SCAF4: variants seen among roughly 807,000 people sequenced by gnomAD.
SCAF4 encodes the protein SR-related CTD associated factor 4.
A neutral mutation model predicts 129.8 loss-of-function variants in SCAF4; 25 were observed. That is an observed-to-expected ratio of 0.19 (90% CI 0.14 to 0.27). SCAF4 has a LOEUF of 0.27. SCAF4 is among the 10% of genes least tolerant of loss of function. The pLI is 1.00. For synonymous variants in SCAF4, 551 were observed against 497.7 expected, an observed-to-expected ratio of 1.11 and a Z score of -1.43; for missense variants, 1,246 against 1,457.1, an observed-to-expected ratio of 0.86 and a Z score of 2.36.
rs536663868 is a variant in SCAF4 at position 31,701,740 on chromosome 21, C to A, written c.600+36G>T. 1.6e-5 allele frequency: 25 copies of A among 1,583,406 alleles called. 1 individual carries two copies. The South Asian group carries it at 2.7e-4, about 17-fold the overall frequency. ...ACAAGAAGTGACAACAGTACCTAGTCCTGCAAACAATTTCACTTTTGAGTA... is the reference window on the plus strand; with the variant it reads ...ACAAGAAGTGACAACAGTACCTAGTACTGCAAACAATTTCACTTTTGAGTA... On this transcript the variant is annotated intron_variant, in intron 6 of 19. Transcript: ENST00000286835.
chr21:31,706,461 GC>G (rs2050665085), intron 1 of SCAF4, 104 bp from the exon 2 acceptor site: 1 of 761,036 alleles, frequency 1.3e-6, no homozygotes, highest in South Asian at 1.8e-5. Flanking sequence ...TACAAACGGG[GC>G]CGGGGTGGTG....
chr21:31,688,488 C>G (rs754299144), intron 15 of SCAF4, 24 bp from the exon 16 acceptor site: 1 of 1,586,802 alleles, frequency 6.3e-7, no homozygotes, highest in East Asian at 2.2e-5. Flanking sequence ...AGAAATTTAA[C>G]AAGAGTTTAC....
chr21:31,731,969 G>T lies in SCAF4; in HGVS notation c.-277C>A, dbSNP rs1189231454. ...TCTTCAACATGTCCGTTTGGTGGTGGCGGCTGCGCTCTGCGTCTCGCTGAC... is the reference window on the plus strand; with the variant it reads ...TCTTCAACATGTCCGTTTGGTGGTGTCGGCTGCGCTCTGCGTCTCGCTGAC... On this transcript the variant is annotated 5_prime_UTR_variant, in exon 1 of 20. Transcript: ENST00000286835. The T allele has an allele frequency of 2.1e-6, 1 of 475,266 alleles. No individual in the cohort carries two copies. Among genetic ancestry groups the T allele is most frequent in the Non-Finnish European group, 3.6e-6 (1 of 274,464 alleles). The allele number at this position is 475,266 out of a possible 1,614,324, so 29.4% of individuals were successfully genotyped here. A position where few individuals can be genotyped will look rare whatever the true frequency, so the allele number is the denominator to read the frequency against.
At chr21:31,702,120 C>A (rs1403437436) in intron 5 of SCAF4, 124 bp downstream of exon 5, 2 of 1,390,804 alleles carry the variant, frequency 1.4e-6, no homozygotes, top group African/African-American at 2.9e-5. Flanking sequence ...AAAATCATAC[C>A]TTCCAAGATG....
intron 1 of SCAF4, among the ~76,000 whole-genome samples, chr21:31,724,650 TA>T (rs2051156118): frequency 6.6e-6 from 1 of 152,234 alleles, no homozygotes; most frequent in African/African-American, 2.4e-5. Context: ...AATTCTGAAG[TA>T]AATTATATTT....
intron 2 of SCAF4, 37 bp from the exon 3 acceptor site, chr21:31,705,504 C>T (rs2050635305): frequency 3.3e-6 from 3 of 903,862 alleles, no homozygotes; most frequent in South Asian, 3.6e-5. Flanking sequence ...GTTCAGTTTA[C>T]TTATTTCTAC....
intron 14 of SCAF4, 64 bp downstream of exon 14, chr21:31,691,753 G>A: frequency 1.5e-6 from 1 of 677,232 alleles, no homozygotes; most frequent in Non-Finnish European, 2.3e-6. Context: ...GTTTTTATAT[G>A]CCACATATTT....
intron 1 of SCAF4, among the ~76,000 whole-genome samples, chr21:31,715,221 T>C (rs2050896271): frequency 1.3e-5 from 2 of 152,264 alleles, no homozygotes; most frequent in Non-Finnish European, 2.9e-5. Context: ...TCTTCTTCCA[T>C]CTTCAAAGCC....
At chr21:31,687,534 C>A (rs1366523354) in intron 16 of SCAF4, among the ~76,000 whole-genome samples, 1 of 151,978 alleles carries the variant, frequency 6.6e-6, no homozygotes, top group Non-Finnish European at 1.5e-5. Flanking sequence ...GACTAGACAG[C>A]AAATATTTTA....
chr21:31,681,466 T>A (rs914025530), intron 19 of SCAF4, among the ~76,000 whole-genome samples: 1 of 152,188 alleles, frequency 6.6e-6, no homozygotes, highest in Non-Finnish European at 1.5e-5. Context: ...ATATTAGAGA[T>A]ACATGTTATA....
intron 3 of SCAF4, among the ~76,000 whole-genome samples, chr21:31,705,085 C>G (rs2050624895): frequency 6.6e-6 from 1 of 152,058 alleles, no homozygotes; most frequent in Non-Finnish European, 1.5e-5. Flanking sequence ...GAAAATTTGA[C>G]AAAGTAATTT....
chr21:31,712,873 A>T, intron 1 of SCAF4: 1 of 973,286 alleles, frequency 1.0e-6, no homozygotes, highest in Non-Finnish European at 1.2e-6. Flanking sequence ...CCTTCTTTAT[A>T]AAACTGTTAA....
intron 19 of SCAF4, among the ~76,000 whole-genome samples, chr21:31,675,235 T>C (rs17660446): frequency 0.033 from 5,093 of 152,268 alleles, 128 homozygotes; most frequent in Non-Finnish European, 0.047. Context: ...CTATATGCCA[T>C]AAGGAGGAAC....
chr21:31,687,783 T>C (rs2050160852), intron 16 of SCAF4, among the ~76,000 whole-genome samples: 1 of 152,090 alleles, frequency 6.6e-6, no homozygotes, highest in Non-Finnish European at 1.5e-5. Context: ...GATGGATAGA[T>C]GTAAGACAAT....
Position 31,702,373 on chromosome 21 carries a change from T to C in SCAF4, c.328A>G (p.Ile110Val). 1 of 1,613,564 alleles carries C rather than the reference T, an allele frequency of 6.2e-7. No individual in the cohort carries two copies. The highest frequency in any genetic ancestry group is 8.5e-7 in the Non-Finnish European group (1 of 1,179,564). ...TGCCAAAGGTTCAGCACACGAACTA[T>C]TTTACTCTGTTACGCATGAGAAACA... ...YLCPSEDKSKIVRVLNLWQKN... is the reference protein window; with the variant it reads ...YLCPSEDKSKVVRVLNLWQKN... Residue 110 changes from isoleucine to valine, a missense_variant, in exon 5 of 20, where the codon ATA becomes GTA. Ile to Val is a conservative substitution (Grantham distance 29). Transcript: ENST00000286835.
At position 31,672,002 on chromosome 21, in the gene SCAF4, T is replaced by TGGCTGCTGC. The variant is rs763884513; in HGVS notation, c.2832_2840dup (p.Pro947_Gln949dup). 9.9e-6 allele frequency: 16 copies of TGGCTGCTGC among 1,613,220 alleles called. No homozygotes were observed. Among genetic ancestry groups the TGGCTGCTGC allele is most frequent in the Non-Finnish European group, 1.1e-5 (13 of 1,179,474 alleles). Reference sequence around the variant, plus strand: ...GCGCCTGCGGCTGTGGCTGCTGCTGTGGCTGCTGCGGCGGCTGTTGCCTTC... The same window carrying TGGCTGCTGC: ...GCGCCTGCGGCTGTGGCTGCTGCTGTGGCTGCTGCGGCTGCTGCGGCGGCTGTTGCCTTC... On this transcript the variant is annotated inframe_insertion, in exon 20 of 20. Transcript: ENST00000286835.
At chr21:31,690,163 A>G (rs2050225444) in intron 15 of SCAF4, among the ~76,000 whole-genome samples, 1 of 152,094 alleles carries the variant, frequency 6.6e-6, no homozygotes, top group African/African-American at 2.4e-5. Flanking sequence ...AAACTTTCCA[A>G]GGTAATTATC....
chr21:31,715,824 T>C (rs921642581), intron 1 of SCAF4, among the ~76,000 whole-genome samples: 1 of 152,208 alleles, frequency 6.6e-6, no homozygotes, highest in Non-Finnish European at 1.5e-5. Flanking sequence ...AATACTGTCA[T>C]CCTGCCCATA....
intron 19 of SCAF4, among the ~76,000 whole-genome samples, chr21:31,674,645 A>T (rs759028067): frequency 1.4e-4 from 21 of 152,354 alleles, no homozygotes; most frequent in Non-Finnish European, 1.5e-4. Flanking sequence ...GCTAGCTAGG[A>T]AGTCCTTATT....
Sources: allele counts gnomAD v4.1 joint callset (sites outside exome capture counted in the v4.1 genomes callset), GRCh38; gene constraint gnomAD v4.1.1; transcripts MANE v1.5; gene names NCBI Gene and HGNC (gene_info 2026-07-23, HGNC 2026-07-21).